ST8SIA6: variants seen among roughly 807,000 people sequenced by gnomAD.
ST8SIA6 encodes the protein alpha-2,8-sialyltransferase 8F.
In ST8SIA6, 39 loss-of-function variants were observed where a neutral mutation model predicts 33.6. That is an observed-to-expected ratio of 1.16 (90% CI 0.90 to 1.52). ST8SIA6 has a LOEUF of 1.52. ST8SIA6 is among the 40% of genes most tolerant of loss of function. The pLI is 0.00. For missense variants in ST8SIA6, 441 were observed against 443.8 expected (o/e 0.99, Z 0.06); for synonymous variants, 172 against 167.2 (o/e 1.03, Z -0.22).
chr10:17,380,865 G>A (rs1470885631), intron 3 of ST8SIA6, among the ~76,000 whole-genome samples: 1 of 145,994 alleles, frequency 6.8e-6, no homozygotes, highest in African/African-American at 2.5e-5. Flanking sequence ...GTGTGTATGT[G>A]TTTGTATGTG....
chr10:17,442,569 A>G (rs1050966382), intron 2 of ST8SIA6, among the ~76,000 whole-genome samples: 1 of 152,248 alleles, frequency 6.6e-6, no homozygotes, highest in African/African-American at 2.4e-5. Context: ...AATCCTACAG[A>G]AGCGAGTGCT....
intron 2 of ST8SIA6, among the ~76,000 whole-genome samples, chr10:17,430,334 T>C (rs1200855091): frequency 2.6e-5 from 4 of 152,192 alleles, no homozygotes; most frequent in Non-Finnish European, 4.4e-5. Context: ...ATCTTTGCAA[T>C]TGTGAATTGT....
chr10:17,406,625 T>G (rs1358475881), intron 2 of ST8SIA6, among the ~76,000 whole-genome samples: 2 of 152,144 alleles, frequency 1.3e-5, no homozygotes, highest in Non-Finnish European at 2.9e-5. Context: ...CCATTCATAG[T>G]CTATACAGCG....
Position 17,442,868 on chromosome 10 carries a change from C to A in ST8SIA6, c.200+10691G>T, listed in dbSNP as rs529077147. ...CTCACTGTCTATCCATCCTGTAATA[C>A]AACATGGTAAAGTGCACCTCCAAAA... On this transcript the variant is annotated intron_variant, in intron 2 of 7. Coordinates refer to ENST00000377602, the MANE Select transcript of ST8SIA6 (RefSeq NM_001004470.3). 1.5e-3 allele frequency among the ~76,000 whole-genome samples: 232 copies of A among 152,260 alleles called. 1 individual carries two copies. Among genetic ancestry groups the A allele is most frequent in the Non-Finnish European group, 2.5e-3 (172 of 68,020 alleles).
intron 4 of ST8SIA6, among the ~76,000 whole-genome samples, chr10:17,348,874 A>C (rs1191932248): frequency 1.3e-5 from 2 of 151,862 alleles, no homozygotes; most frequent in Non-Finnish European, 2.9e-5. Context: ...CTCAGCCCTT[A>C]CTTAGCCCTA....
chr10:17,401,498 G>A (rs1454282045), intron 2 of ST8SIA6, among the ~76,000 whole-genome samples: 1 of 152,136 alleles, frequency 6.6e-6, no homozygotes, highest in Non-Finnish European at 1.5e-5. Flanking sequence ...AAAGAACAAA[G>A]CTGGAAGCAT....
In ST8SIA6 at chr10:17,438,694, C is replaced by T. The variant is rs533675012; in HGVS notation, c.200+14865G>A. ...TTCCAAAACTCCTCAGCTATTCTGT[C>T]ATACTGACTATTTAAGTAAAGACAC... On this transcript the variant is annotated intron_variant, in intron 2 of 7. Coordinates refer to ENST00000377602, the MANE Select transcript of ST8SIA6 (RefSeq NM_001004470.3). 1.2e-3 allele frequency among the ~76,000 whole-genome samples: 177 copies of T among 152,276 alleles called. 1 individual carries two copies. The highest frequency in any genetic ancestry group is 4.0e-3 in the African/African-American group (166 of 41,548).
At position 17,323,076 on chromosome 10, in the gene ST8SIA6, G is replaced by A. The variant is rs765400279; in HGVS notation, c.717C>T (p.Ile239=). 6.2e-7 allele frequency: 1 copy of A among 1,612,638 alleles called. No individual in the cohort carries two copies. Among genetic ancestry groups the A allele is most frequent in the Non-Finnish European group, 8.5e-7 (1 of 1,179,110 alleles). ...KTNLVTINPS[I]ITLKYGNLKE... is the part of the protein sequence containing the mutation. ...TTGCAGCTACTTACTTCAGAGTTATGATGCTTGGATTTATAGTCACAAGAT... is the reference window on the plus strand; with the variant it reads ...TTGCAGCTACTTACTTCAGAGTTATAATGCTTGGATTTATAGTCACAAGAT... The change falls in exon 7 of 8, where the codon ATC becomes ATT. Residue 239 remains isoleucine, a synonymous_variant. Transcript: ENST00000377602.
At chr10:17,388,780 G>A (rs113000042) in intron 3 of ST8SIA6, among the ~76,000 whole-genome samples, 1 of 152,144 alleles carries the variant, frequency 6.6e-6, no homozygotes, top group Admixed American at 6.5e-5. Context: ...AATTCAGTTC[G>A]TGGTTTGAGT....
At chr10:17,453,343 T>G (rs1470548792) in intron 2 of ST8SIA6, among the ~76,000 whole-genome samples, 1 of 152,008 alleles carries the variant, frequency 6.6e-6, no homozygotes, top group Non-Finnish European at 1.5e-5. Flanking sequence ...TCCCCCTTGA[T>G]TCAAAGACCA....
intron 2 of ST8SIA6, among the ~76,000 whole-genome samples, chr10:17,438,760 T>C (rs1852369048): frequency 6.6e-6 from 1 of 152,228 alleles, no homozygotes; most frequent in Admixed American, 6.5e-5. Context: ...TTTTGACCTT[T>C]GCGGTATTTA....
intron 3 of ST8SIA6, among the ~76,000 whole-genome samples, chr10:17,374,061 T>A (rs78957892): frequency 0.13 from 15,874 of 126,050 alleles, 989 homozygotes; most frequent in Admixed American, 0.17. Context: ...TCTTTTAACA[T>A]CAACAACCAC....
At chr10:17,325,278 A>C (rs1226714703) in intron 6 of ST8SIA6, among the ~76,000 whole-genome samples, 1 of 145,302 alleles carries the variant, frequency 6.9e-6, no homozygotes, top group East Asian at 2.0e-4. Flanking sequence ...ACAATGTACA[A>C]TATATTACAT....
At chr10:17,335,779 A>T (rs1196735442) in intron 4 of ST8SIA6, among the ~76,000 whole-genome samples, 1 of 152,188 alleles carries the variant, frequency 6.6e-6, no homozygotes, top group Non-Finnish European at 1.5e-5. Flanking sequence ...TTATGCGTAT[A>T]TAATTTTTAG....
At chr10:17,324,874 T>C (rs1186477730) in intron 6 of ST8SIA6, among the ~76,000 whole-genome samples, 3 of 146,648 alleles carry the variant, frequency 2.0e-5, no homozygotes, top group African/African-American at 7.5e-5. Flanking sequence ...TATGCATATA[T>C]GTAATATATG....
intron 3 of ST8SIA6, among the ~76,000 whole-genome samples, chr10:17,363,919 GC>G (rs1199354140): frequency 3.3e-5 from 5 of 152,152 alleles, no homozygotes; most frequent in Non-Finnish European, 5.9e-5. Context: ...TGCTGAAAAG[GC>G]CAGGTAAGAC....
chr10:17,350,182 T>C (rs551763865), intron 4 of ST8SIA6, among the ~76,000 whole-genome samples: 1 of 152,308 alleles, frequency 6.6e-6, no homozygotes, highest in South Asian at 2.1e-4. Context: ...GGATTCATCG[T>C]GGTTCATGGT....
At chr10:17,362,856 C>T (rs371842586) in intron 3 of ST8SIA6, among the ~76,000 whole-genome samples, 29 of 152,062 alleles carry the variant, frequency 1.9e-4, no homozygotes, top group African/African-American at 5.8e-4. Flanking sequence ...GGATTACAGG[C>T]GCGCGTCCCC....
chr10:17,388,982 A>G (rs562969486), intron 3 of ST8SIA6, among the ~76,000 whole-genome samples: 1 of 152,264 alleles, frequency 6.6e-6, no homozygotes, highest in Admixed American at 6.5e-5. Flanking sequence ...GTAAAACCTA[A>G]GATCAGTACT....
Sources: gnomAD v4.1 joint callset for allele counts (sites outside exome capture counted in the v4.1 genomes callset) on GRCh38, gnomAD v4.1.1 for gene constraint, MANE v1.5 for transcripts, NCBI Gene and HGNC (gene_info 2026-07-23, HGNC 2026-07-21) for gene names.